The following CADM2 variants were observed in gnomAD, a reference collection of about 807,000 sequenced individuals.
CADM2 encodes immunoglobulin superfamily member 4D.
CADM2 carries 12 observed loss-of-function variants against 49.8 expected under a neutral mutation model. The ratio of observed to expected loss-of-function variants is 0.24; its 90% CI spans 0.15 to 0.39. The LOEUF (loss-of-function observed/expected upper bound fraction) is 0.39. CADM2 is among the 10% of genes least tolerant of loss of function. The probability of loss-of-function intolerance (pLI) is 1.00; values close to 1 mark genes in which losing one functional copy is unlikely to be tolerated. For synonymous variants in CADM2, 214 were observed against 175.4 expected, an observed-to-expected ratio of 1.22 and a Z score of -1.74; for missense variants, 378 against 492.3, an observed-to-expected ratio of 0.77 and a Z score of 2.20.
At chr3:86,027,884 C>G (rs1734085847) in intron 8 of CADM2, 1 of 151,784 alleles carries the variant, frequency 6.6e-6, no homozygotes, top group Non-Finnish European at 1.5e-5. Flanking sequence ...GAAAACTTAC[C>G]TGTTTTCTCA....
At chr3:84,985,329 CT>C (rs1422515290) in intron 1 of CADM2, among the ~76,000 whole-genome samples, 7 of 152,140 alleles carry the variant, frequency 4.6e-5, no homozygotes, top group African/African-American at 1.7e-4. Flanking sequence ...CTTAATCAGA[CT>C]TATGAATTAT....
chr3:85,971,654 G>T (rs1726156861), intron 8 of CADM2, among the ~76,000 whole-genome samples: 1 of 151,592 alleles, frequency 6.6e-6, no homozygotes, highest in African/African-American at 2.4e-5. Context: ...GGAAAGAGTA[G>T]GAAAGGGCTC....
chr3:85,660,895 A>G (rs1039129697), intron 1 of CADM2, among the ~76,000 whole-genome samples: 3 of 149,828 alleles, frequency 2.0e-5, no homozygotes, highest in Non-Finnish European at 4.5e-5. Context: ...TTCGATTATT[A>G]TAAACTATAA....
At chr3:85,157,716 A>C (rs1463487937) in intron 1 of CADM2, among the ~76,000 whole-genome samples, 1 of 151,926 alleles carries the variant, frequency 6.6e-6, no homozygotes, top group Non-Finnish European at 1.5e-5. Context: ...CTTAAACGTT[A>C]GACCTAAAAC....
chr3:85,965,546 A>G (rs1350309633), intron 8 of CADM2, among the ~76,000 whole-genome samples: 1 of 151,680 alleles, frequency 6.6e-6, no homozygotes, highest in African/African-American at 2.4e-5. Flanking sequence ...CTACCGGAAC[A>G]TAAATTAGGT....
chr3:85,815,750 A>G (rs1478615091), intron 3 of CADM2, among the ~76,000 whole-genome samples: 1 of 152,144 alleles, frequency 6.6e-6, no homozygotes, highest in Admixed American at 6.5e-5. Flanking sequence ...GGCCCGGACA[A>G]TGAGGCAAGA....
intron 6 of CADM2, among the ~76,000 whole-genome samples, chr3:85,933,627 C>A (rs970399704): frequency 6.6e-6 from 1 of 151,948 alleles, no homozygotes; most frequent in African/African-American, 2.4e-5. Flanking sequence ...AGGTGAAATC[C>A]CAAGATATGC....
chr3:85,159,947 T>C (rs1260569875), intron 1 of CADM2, among the ~76,000 whole-genome samples: 1 of 152,202 alleles, frequency 6.6e-6, no homozygotes, highest in Non-Finnish European at 1.5e-5. Flanking sequence ...CAGAAAGCTG[T>C]ATAATTTGAA....
intron 1 of CADM2, among the ~76,000 whole-genome samples, chr3:85,363,578 A>G (rs1303721844): frequency 1.3e-5 from 2 of 152,102 alleles, no homozygotes; most frequent in Non-Finnish European, 2.9e-5. Flanking sequence ...TTATGTAAAG[A>G]CTGTGGTATT....
chr3:85,146,932 A>G (rs1411275819), intron 1 of CADM2, among the ~76,000 whole-genome samples: 1 of 151,976 alleles, frequency 6.6e-6, no homozygotes, highest in Non-Finnish European at 1.5e-5. Flanking sequence ...TTTGAATACG[A>G]TAGTGGATTA....
intron 1 of CADM2, among the ~76,000 whole-genome samples, chr3:85,265,250 A>G (rs2043097353): frequency 6.6e-6 from 1 of 152,018 alleles, no homozygotes; most frequent in South Asian, 2.1e-4. Context: ...ATTAATTTTT[A>G]CTTATTGAGC....
chr3:85,064,005 C>G (rs916319235), intron 1 of CADM2, among the ~76,000 whole-genome samples: 4 of 152,064 alleles, frequency 2.6e-5, no homozygotes, highest in Admixed American at 1.3e-4. Context: ...TTCTACATCT[C>G]ATGCTGTGTA....
chr3:85,336,550 A>G (rs2045083260), intron 1 of CADM2, among the ~76,000 whole-genome samples: 1 of 151,332 alleles, frequency 6.6e-6, no homozygotes, highest in Non-Finnish European at 1.5e-5. Context: ...GCTAAAGAAA[A>G]CTATATTTCT....
chr3:85,067,556 T>C (rs2036571553), intron 1 of CADM2, among the ~76,000 whole-genome samples: 1 of 152,142 alleles, frequency 6.6e-6, no homozygotes, highest in South Asian at 2.1e-4. Flanking sequence ...GGGAACACAG[T>C]AGGACACTTT....
intron 1 of CADM2, among the ~76,000 whole-genome samples, chr3:85,076,595 C>A (rs553431966): frequency 4.6e-5 from 7 of 151,648 alleles, no homozygotes; most frequent in Non-Finnish European, 8.8e-5. Context: ...GATCTGCCTG[C>A]TTTGGCCTCC....
At chr3:85,554,748 T>C (rs377423714) in intron 1 of CADM2, among the ~76,000 whole-genome samples, 4 of 152,304 alleles carry the variant, frequency 2.6e-5, no homozygotes, top group East Asian at 1.9e-4. Context: ...TAGGCTGGAT[T>C]GCAGTAGCGT....
chr3:85,355,480 G>A (rs550764447), intron 1 of CADM2, among the ~76,000 whole-genome samples: 2 of 152,092 alleles, frequency 1.3e-5, no homozygotes, highest in South Asian at 4.1e-4. Flanking sequence ...GAAATAAATT[G>A]GACTAGATAT....
At chr3:86,066,572 C>A in intron 9 of CADM2, 93 bp from the exon 10 acceptor site, 1 of 938,476 alleles carries the variant, frequency 1.1e-6, no homozygotes, top group Non-Finnish European at 1.7e-6. Context: ...TCTCAAAAAT[C>A]TGGCAAAAGT....
intron 1 of CADM2, among the ~76,000 whole-genome samples, chr3:85,436,991 C>T (rs998012067): frequency 2.6e-5 from 4 of 152,160 alleles, no homozygotes; most frequent in African/African-American, 9.6e-5. Flanking sequence ...AATCTTTCTT[C>T]TGCCTATTCA....
Sources: allele counts gnomAD v4.1 joint callset (sites outside exome capture counted in the v4.1 genomes callset), GRCh38; gene constraint gnomAD v4.1.1; transcripts MANE v1.5; gene names NCBI Gene and HGNC (gene_info 2026-07-23, HGNC 2026-07-21).